POU6F2: variants seen among roughly 807,000 people sequenced by gnomAD.
POU6F2 encodes POU class 6 homeobox 2.
A neutral mutation model predicts 71.3 loss-of-function variants in POU6F2; 31 were observed. The observed-to-expected ratio is 0.43, with a 90% CI of 0.33 to 0.59. The LOEUF (loss-of-function observed/expected upper bound fraction) is 0.59, where lower values mean the gene tolerates loss of function less well. Among genes scored for constraint, POU6F2 ranks in the 20% least tolerant of loss-of-function variants. The probability of loss-of-function intolerance (pLI) is 0.04; values close to 1 mark genes in which losing one functional copy is unlikely to be tolerated. For missense variants in POU6F2, 783 were observed against 856.8 expected (o/e 0.91, Z 1.07); for synonymous variants, 347 against 355.7 (o/e 0.98, Z 0.27).
intron 1 of POU6F2, among the ~76,000 whole-genome samples, chr7:38,986,794 T>C (rs1329745427): frequency 6.6e-6 from 1 of 152,150 alleles, no homozygotes; most frequent in Non-Finnish European, 1.5e-5. Context: ...TTCTTATATA[T>C]CCTTCCAGAG....
intron 2 of POU6F2, among the ~76,000 whole-genome samples, chr7:39,157,886 A>T (rs1044967991): frequency 6.6e-6 from 1 of 152,200 alleles, no homozygotes; most frequent in Non-Finnish European, 1.5e-5. Context: ...CCTATAATAA[A>T]GCAGTAAAAA....
At chr7:39,112,790 G>A (rs1791846512) in intron 2 of POU6F2, among the ~76,000 whole-genome samples, 1 of 152,086 alleles carries the variant, frequency 6.6e-6, no homozygotes, top group Non-Finnish European at 1.5e-5. Flanking sequence ...ATAACTGTGT[G>A]CTGAAAGGAT....
intron 4 of POU6F2, among the ~76,000 whole-genome samples, chr7:39,309,899 T>C (rs1785128110): frequency 6.6e-6 from 1 of 152,218 alleles, no homozygotes; most frequent in Admixed American, 6.5e-5. Context: ...CATTTTGTAG[T>C]TTTGAATGCA....
chr7:39,229,402 G>A (rs2128749755), intron 4 of POU6F2, among the ~76,000 whole-genome samples: 1 of 152,232 alleles, frequency 6.6e-6, no homozygotes, highest in Non-Finnish European at 1.5e-5. Flanking sequence ...TCAACTGTCT[G>A]GGCCATTCTG....
rs1480634059 is a variant in POU6F2 at position 39,460,094 on chromosome 7, C to G, written c.1490-453C>G. The stretch of plus-strand genomic sequence containing the variant: ...TTGGCGATCAGTTGAAGGAAAAATA[C>G]AAAATACTATTGTCTTCAAGAGCAA... On this transcript the variant is annotated intron_variant, in intron 8 of 9. Transcript: ENST00000518318. The surrounding 1 kb of genome is among the most constrained non-coding windows in gnomAD (Gnocchi z 4.4). 1.3e-5 allele frequency among the ~76,000 whole-genome samples: 2 copies of G among 152,188 alleles called. No individual in the cohort carries two copies. Among genetic ancestry groups the G allele is most frequent in the Non-Finnish European group, 2.9e-5 (2 of 68,026 alleles).
At chr7:39,075,643 C>T (rs1474725795) in intron 1 of POU6F2, among the ~76,000 whole-genome samples, 2 of 152,214 alleles carry the variant, frequency 1.3e-5, no homozygotes, top group Admixed American at 6.5e-5. Flanking sequence ...GATGATACTG[C>T]TCCTGAAGGC....
intron 4 of POU6F2, among the ~76,000 whole-genome samples, chr7:39,268,802 A>G (rs1384324953): frequency 6.6e-6 from 1 of 152,214 alleles, no homozygotes; most frequent in African/African-American, 2.4e-5. Context: ...CACCCTTGAC[A>G]TCAGGAGAGG....
chr7:39,191,674 A>C (rs549426537), intron 2 of POU6F2, among the ~76,000 whole-genome samples: 2 of 152,238 alleles, frequency 1.3e-5, no homozygotes, highest in Non-Finnish European at 2.9e-5. Context: ...ATTTGACTTT[A>C]AGTGGAACAT....
chr7:39,292,208 C>A (rs1350382937), intron 4 of POU6F2, among the ~76,000 whole-genome samples: 1 of 152,194 alleles, frequency 6.6e-6, no homozygotes, highest in Admixed American at 6.5e-5. Flanking sequence ...AGATGTGAAA[C>A]CTATAAGAGT....
intron 1 of POU6F2, among the ~76,000 whole-genome samples, chr7:39,050,394 C>T (rs545800137): frequency 5.3e-5 from 8 of 152,148 alleles, no homozygotes; most frequent in African/African-American, 1.9e-4. Flanking sequence ...GGCTGTTTTG[C>T]AGTTTCTGGT....
intron 4 of POU6F2, among the ~76,000 whole-genome samples, chr7:39,253,902 A>G (rs1050879835): frequency 1.3e-5 from 2 of 152,210 alleles, no homozygotes; most frequent in Admixed American, 6.5e-5. Context: ...GCCTCTTGGT[A>G]TCTGGGCTAA....
intron 1 of POU6F2, among the ~76,000 whole-genome samples, chr7:39,008,378 T>C (rs1467391632): frequency 6.6e-6 from 1 of 152,114 alleles, no homozygotes; most frequent in Non-Finnish European, 1.5e-5. Flanking sequence ...GGGGTTGTTT[T>C]TTCTTGTAAA....
At chr7:39,311,416 T>C (rs4720317) in intron 4 of POU6F2, among the ~76,000 whole-genome samples, 126,231 of 151,952 alleles carry the variant, frequency 0.83, 52,452 homozygotes, top group Admixed American at 0.89. Context: ...TTACACATTA[T>C]ATAGTGTACC....
intron 1 of POU6F2, among the ~76,000 whole-genome samples, chr7:39,041,209 G>A (rs568947252): frequency 2.0e-4 from 30 of 152,024 alleles, no homozygotes; most frequent in Non-Finnish European, 2.9e-4. Context: ...TTATGGTTGC[G>A]TGATCTTCTG....
chr7:39,321,521 C>T (rs139990854), intron 4 of POU6F2, among the ~76,000 whole-genome samples: 7 of 152,182 alleles, frequency 4.6e-5, no homozygotes, highest in Admixed American at 3.9e-4. Flanking sequence ...TCGTGAAGGG[C>T]TTTCATGTGA....
At chr7:38,984,614 C>T (rs76825568) in intron 1 of POU6F2, among the ~76,000 whole-genome samples, 3 of 152,072 alleles carry the variant, frequency 2.0e-5, no homozygotes, top group East Asian at 3.8e-4. Flanking sequence ...TAAGAAAAGG[C>T]CTCACAGTGC....
At chr7:39,239,929 A>G (rs1783691678) in intron 4 of POU6F2, among the ~76,000 whole-genome samples, 1 of 152,148 alleles carries the variant, frequency 6.6e-6, no homozygotes, top group African/African-American at 2.4e-5. Flanking sequence ...ACTCAGGATA[A>G]CTTCACAAAT....
rs568862263 is a variant in POU6F2 at position 39,451,667 on chromosome 7, T to G, written c.1455T>G (p.Ser485=). ...CCTCTTCTTCCTCCTCATCCTCCTC[T>G]TCTTCAGCTTTGAGCGTGGGCCAGT... is the stretch of plus-strand genomic sequence containing the variant. ...QASSSSSSSS[S]SSALSVGQLV... The change falls in exon 8 of 10, where the codon TCT becomes TCG. Residue 485 remains serine (S), a synonymous_variant. Coordinates refer to ENST00000518318, the MANE Select transcript of POU6F2 (RefSeq NM_001370959.1). The G allele has an allele frequency of 1.0e-4, 164 of 1,607,784 alleles. No homozygotes were observed. The highest frequency in any genetic ancestry group is 1.4e-4 in the Non-Finnish European group (161 of 1,177,076).
At chr7:39,226,012 A>G (rs1794455089) in intron 4 of POU6F2, among the ~76,000 whole-genome samples, 1 of 151,984 alleles carries the variant, frequency 6.6e-6, no homozygotes, top group Admixed American at 6.6e-5. Flanking sequence ...AATGTACATT[A>G]AGGATGTTGG....
Sources: gnomAD v4.1 joint callset for allele counts (sites outside exome capture counted in the v4.1 genomes callset) on GRCh38, gnomAD v4.1.1 for gene constraint, Gnocchi (gnomAD v3.1) non-coding constraint, MANE v1.5 for transcripts, NCBI Gene and HGNC (gene_info 2026-07-23, HGNC 2026-07-21) for gene names.